RABL6: variants seen among roughly 807,000 people sequenced by gnomAD.
RABL6 encodes the protein RAB, member RAS oncogene family like 6.
Under a neutral mutation model 72.9 loss-of-function variants are expected in RABL6, and 28 were observed. The observed-to-expected ratio is 0.38, with a 90% CI of 0.28 to 0.53. The LOEUF is 0.53. Ranked by LOEUF, RABL6 falls within the 20% of genes least tolerant of loss-of-function variation. The pLI is 0.80. For missense variants in RABL6, 1,029 were observed against 1,008.4 expected (o/e 1.02, Z -0.28); for synonymous variants, 477 against 421.2 (o/e 1.13, Z -1.62).
At chr9:136,835,657 TC>T in intron 7 of RABL6, 84 bp from the exon 8 acceptor site, 2 of 1,216,060 alleles carry the variant, frequency 1.6e-6, no homozygotes, top group Non-Finnish European at 2.3e-6. Context: ...GCAGGAGGCG[TC>T]CCCTGTGCAT....
At chr9:136,825,029 G>T (rs1463194982) in intron 2 of RABL6, among the ~76,000 whole-genome samples, 8 of 152,180 alleles carry the variant, frequency 5.3e-5, no homozygotes, top group Non-Finnish European at 7.4e-5. Context: ...CCTTGGGTGG[G>T]CGGGAGGCTC....
intron 2 of RABL6, 144 bp downstream of exon 2, chr9:136,823,803 G>A (rs778539922): frequency 1.0e-4 from 117 of 1,119,818 alleles, no homozygotes; most frequent in African/African-American, 1.4e-4. Flanking sequence ...GGGCCCTGGC[G>A]TGAACTCTGG....
intron 8 of RABL6, chr9:136,836,125 C>G (rs547160488): frequency 8.6e-4 from 308 of 357,562 alleles, no homozygotes; most frequent in African/African-American, 6.1e-3. Context: ...TGGAGTGCTG[C>G]TGGGGCTGCC....
At chr9:136,824,778 C>T (rs1238969358) in intron 2 of RABL6, among the ~76,000 whole-genome samples, 2 of 152,166 alleles carry the variant, frequency 1.3e-5, no homozygotes, top group Admixed American at 1.3e-4. Flanking sequence ...TGCTGGGCAT[C>T]TGCTGCTCTC....
chr9:136,835,855 C>T lies in RABL6; in HGVS notation c.809+10C>T, dbSNP rs145045155. The T allele has an allele frequency of 1.0e-5, 16 of 1,549,710 alleles. No homozygotes were observed. The highest frequency in any genetic ancestry group is 5.9e-5 in the South Asian group (5 of 84,034). On this transcript the variant is annotated intron_variant, in intron 8 of 14. Coordinates refer to ENST00000311502, the MANE Select transcript of RABL6 (RefSeq NM_024718.5). The stretch of plus-strand genomic sequence containing the variant: ...ACCAGAACTACGGCATGTATGTGGC[C>T]GGACCCGCCCGTGCGGGCGGTGTGG...
Position 136,840,922 on chromosome 9 carries a change from T to TG in RABL6, c.*404dup, listed in dbSNP as rs1848685355. 2.7e-6 allele frequency: 4 copies of TG among 1,481,808 alleles called. No homozygotes were observed. The highest frequency in any genetic ancestry group is 3.6e-6 in the Non-Finnish European group (4 of 1,111,528). 91.8% of individuals were successfully genotyped at this position (1,481,808 alleles called of 1,614,324 possible). A position where few individuals can be genotyped will look rare whatever the true frequency, so the allele number is the denominator to read the frequency against. On this transcript the variant is annotated 3_prime_UTR_variant, in exon 15 of 15. Transcript: ENST00000311502. ...CACCTGCTTGCCCTCCGCGCTCATC[T>TG]GGGGCCGCAGCATGCCTATGGTTCC...
chr9:136,812,086 C>T (rs1564357550), intron 1 of RABL6, among the ~76,000 whole-genome samples: 1 of 152,114 alleles, frequency 6.6e-6, no homozygotes, highest in African/African-American at 2.4e-5. Context: ...AGATTGTTGC[C>T]TGAGTTGGTC....
In RABL6 at chr9:136,840,479, C is replaced by T. The variant is rs544857950; in HGVS notation, c.2147C>T (p.Pro716Leu). 2.5e-5 allele frequency: 38 copies of T among 1,526,826 alleles called. No individual in the cohort carries two copies. The highest frequency in any genetic ancestry group is 5.6e-5 in the African/African-American group (4 of 71,578). The allele number at this position is 1,526,826 out of a possible 1,614,324, so 94.6% of individuals were successfully genotyped here. A position where few individuals can be genotyped will look rare whatever the true frequency, so the allele number is the denominator to read the frequency against. Residue 716 changes from proline to leucine, a missense_variant, in exon 15 of 15, where the codon CCG becomes CTG. Physicochemically the swap from Pro to Leu is moderately conservative, Grantham distance 98. Around this residue, in one of 2 missense-constraint regions of RABL6, gnomAD observed 595 missense variants for 472.4 expected, o/e 1.26. Transcript: ENST00000311502. ...ELEAFLGGGA[P>L]GGRHPGGGDY... ...GAGGCTTTCCTGGGGGGCGGGGCCC[C>T]GGGCGGCCGCCACCCTGGGGGTGGC...
intron 7 of RABL6, chr9:136,834,100 G>A (rs922511483): frequency 1.3e-5 from 17 of 1,324,314 alleles, no homozygotes; most frequent in East Asian, 8.3e-5. Context: ...TGATGTCCTC[G>A]CCTGTCTCAG....
chr9:136,840,613 GC>G lies in RABL6; in HGVS notation c.*95del. 2 of 1,549,616 alleles carry G rather than the reference GC, an allele frequency of 1.3e-6. No individual in the cohort carries two copies. The highest frequency in any genetic ancestry group is 2.4e-5 in the South Asian group (2 of 84,036). ...CCTCTGTACCATCGCCTTTGCCGCT[GC>G]CCCGTGGCTGCCGTGTGCGCTTCTG... On this transcript the variant is annotated 3_prime_UTR_variant, in exon 15 of 15. Coordinates refer to ENST00000311502, the MANE Select transcript of RABL6 (RefSeq NM_024718.5).
chr9:136,830,073 G>A lies in RABL6; in HGVS notation c.458+589G>A, dbSNP rs567759932. 5.3e-5 allele frequency among the ~76,000 whole-genome samples: 8 copies of A among 152,342 alleles called. No individual in the cohort carries two copies. In the East Asian group the frequency reaches 5.8e-4, roughly 11 times the overall value. ...CTTGGCACAAGGCTCCTAGAAGAAC[G>A]AGGGCCGCGTGAAGACCAGTGTCCT... On this transcript the variant is annotated intron_variant, in intron 5 of 14. Coordinates refer to ENST00000311502, the MANE Select transcript of RABL6 (RefSeq NM_024718.5).
Position 136,823,530 on chromosome 9 carries a change from A to G in RABL6, c.136A>G (p.Ile46Val). Residue 46 changes from isoleucine to valine, a missense_variant, in exon 2 of 15, where the codon ATA becomes GTA. Transcript: ENST00000311502. Reference protein sequence around the residue: ...FAKGVQYNMKIVIRGDRNTGK... With the variant: ...FAKGVQYNMKVVIRGDRNTGK... Reference sequence around the variant, plus strand: ...TTTTCTCTTCCCGTCCCCAGTGAAGATAGTGATCCGGGGAGACAGGAACAC... The same window carrying G: ...TTTTCTCTTCCCGTCCCCAGTGAAGGTAGTGATCCGGGGAGACAGGAACAC... 6.2e-7 allele frequency: 1 copy of G among 1,613,712 alleles called. No homozygotes were observed. Among genetic ancestry groups the G allele is most frequent in the Non-Finnish European group, 8.5e-7 (1 of 1,179,840 alleles).
Position 136,840,465 on chromosome 9 carries a change from G to C in RABL6, c.2133G>C (p.Leu711=). ...CTGCCGATGAGCTGGAGGCTTTCCT[G>C]GGGGGCGGGGCCCCGGGCGGCCGCC... ...RTAADELEAF[L]GGGAPGGRHP... is the part of the protein sequence containing the mutation. The change falls in exon 15 of 15, where the codon CTG becomes CTC. Residue 711 remains leucine (L), a synonymous_variant. Transcript: ENST00000311502. 2 of 1,536,706 alleles carry C rather than the reference G, an allele frequency of 1.3e-6. No homozygotes were observed. Among genetic ancestry groups the C allele is most frequent in the Non-Finnish European group, 1.8e-6 (2 of 1,141,990 alleles).
chr9:136,827,290 G>T (rs931630012), intron 3 of RABL6: 2 of 152,372 alleles, frequency 1.3e-5, no homozygotes, highest in African/African-American at 2.4e-5. Flanking sequence ...GCATTGGAGG[G>T]GGTTGAGGTC....
rs1313698301 is a variant in RABL6, at chr9:136,821,638, G to A, written c.131-1887G>A. ...CCTGCCTCGGGCCGGAGGAGGGAGG[G>A]CGCCGCGGCCCGTCTCGGGCCTCCC... is the stretch of plus-strand genomic sequence containing the variant. On this transcript the variant is annotated intron_variant, in intron 1 of 14. Coordinates refer to ENST00000311502, the MANE Select transcript of RABL6 (RefSeq NM_024718.5). 5 of 988,430 alleles carry A rather than the reference G, an allele frequency of 5.1e-6. No homozygotes were observed. In the East Asian group the frequency reaches 4.5e-4, roughly 89 times the overall value. The allele number at this position is 988,430 out of a possible 1,614,324, so 61.2% of individuals were successfully genotyped here.
chr9:136,840,602 C>G lies in RABL6; in HGVS notation c.*80C>G. 6.5e-7 allele frequency: 1 copy of G among 1,549,580 alleles called. No individual in the cohort carries two copies. The highest frequency in any genetic ancestry group is 2.4e-5 in the East Asian group (1 of 40,878). On this transcript the variant is annotated 3_prime_UTR_variant, in exon 15 of 15. Coordinates refer to ENST00000311502, the MANE Select transcript of RABL6 (RefSeq NM_024718.5). ...GGAGGCATTTGCCTCTGTACCATCG[C>G]CTTTGCCGCTGCCCCGTGGCTGCCG...
At chr9:136,828,305 C>T (rs1848399831) in intron 3 of RABL6, 189 bp from the exon 4 acceptor site, 2 of 609,782 alleles carry the variant, frequency 3.3e-6, no homozygotes, top group Non-Finnish European at 2.9e-6. Context: ...CCTCCAGAGC[C>T]TACAGAGGGG....
At chr9:136,834,280 G>A in intron 7 of RABL6, 2 of 1,064,940 alleles carry the variant, frequency 1.9e-6, no homozygotes, top group South Asian at 4.5e-5. Flanking sequence ...ACTCACAGAA[G>A]GTTTTTCTTG....
intron 1 of RABL6, chr9:136,815,370 G>A (rs1848098786): frequency 3.6e-6 from 1 of 276,866 alleles, no homozygotes; most frequent in South Asian, 4.0e-5. Context: ...TGGGGTTGCA[G>A]CAGCCTTCTT....
Sources: gnomAD v4.1 joint callset for allele counts (sites outside exome capture counted in the v4.1 genomes callset) on GRCh38, gnomAD v4.1.1 for gene constraint, gnomAD v4.1.1 regional missense constraint, MANE v1.5 for transcripts, NCBI Gene and HGNC (gene_info 2026-07-23, HGNC 2026-07-21) for gene names.